Variants in SLC25A3 observed in about 807,000 individuals in gnomAD.
SLC25A3 encodes the protein solute carrier family 25 member 3, also known as phosphate transport protein.
Under a neutral mutation model 37.1 loss-of-function variants are expected in SLC25A3, and 14 were observed. The observed-to-expected ratio is 0.38, with a 90% CI of 0.25 to 0.59. The LOEUF (loss-of-function observed/expected upper bound fraction) is 0.59. Ranked by LOEUF, SLC25A3 falls within the 20% of genes least tolerant of loss-of-function variation. The pLI, the probability that SLC25A3 is intolerant of heterozygous loss-of-function variation, is 0.67. For synonymous variants in SLC25A3, 161 were observed against 168.7 expected (o/e 0.95, Z 0.36); for missense variants, 385 against 458.1 (o/e 0.84, Z 1.46).
rs1249462284 is a variant in SLC25A3 at position 98,605,630 on chromosome 12, C to G, written c.*4102C>G. 1 of 151,686 alleles carries G rather than the reference C, an allele frequency of 6.6e-6. No individual in the cohort carries two copies. The highest frequency in any genetic ancestry group is 2.4e-5 in the African/African-American group (1 of 41,264). 9.4% of individuals were successfully genotyped at this position (151,686 alleles called of 1,614,324 possible). On this transcript the variant is annotated 3_prime_UTR_variant, in exon 8 of 8. Coordinates refer to ENST00000552981, the MANE Select transcript of SLC25A3 (RefSeq NM_002635.4). ...GTCAGGAGTTCAAGAACAGCCTGGCCAACATGATGAAACCCCAGGTCTCTA... is the reference window on the plus strand; with the variant it reads ...GTCAGGAGTTCAAGAACAGCCTGGCGAACATGATGAAACCCCAGGTCTCTA...
chr12:98,594,724 G>A (rs976008110), intron 2 of SLC25A3: 19 of 276,398 alleles, frequency 6.9e-5, no homozygotes, highest in African/African-American at 1.1e-4. Context: ...GGGATTCTTG[G>A]TGGTTGGGCC....
At chr12:98,597,622 CTG>C in intron 3 of SLC25A3, 1 of 484,558 alleles carries the variant, frequency 2.1e-6, no homozygotes, top group South Asian at 2.1e-5. Flanking sequence ...TGGGGTTTCA[CTG>C]TGTTGCCCAG....
intron 1 of SLC25A3, 113 bp from the exon 2 acceptor site, chr12:98,593,862 C>A: frequency 8.1e-7 from 1 of 1,241,058 alleles, no homozygotes; most frequent in Non-Finnish European, 1.2e-6. Context: ...CCGCCGTGAC[C>A]TCTTCAAGGG....
rs1009535449 is a variant in SLC25A3, at chr12:98,606,300, C to T, written c.*4772C>T. 1.3e-5 allele frequency: 2 copies of T among 152,084 alleles called. No homozygotes were observed. The highest frequency in any genetic ancestry group is 4.8e-5 in the African/African-American group (2 of 41,406). The allele number at this position is 152,084 out of a possible 1,614,324, so 9.4% of individuals were successfully genotyped here. A position where few individuals can be genotyped will look rare whatever the true frequency, so the allele number is the denominator to read the frequency against. On this transcript the variant is annotated 3_prime_UTR_variant, in exon 8 of 8. Transcript: ENST00000552981. ...TCCTGAAATATCAAAGAATAATGTA[C>T]ATTAATAAGCCAGCTACTATCGGCA...
Position 98,598,667 on chromosome 12 carries a change from C to T in SLC25A3, c.605C>T (p.Ala202Val), listed in dbSNP as rs1384097884. ...QPGYANTLRD[A>V]APKMYKEEGL... ...GGTTATGCCAACACTTTGAGGGATGCAGCTCCCAAAATGTATAAGGAAGAA... is the reference window on the plus strand; with the variant it reads ...GGTTATGCCAACACTTTGAGGGATGTAGCTCCCAAAATGTATAAGGAAGAA... Residue 202 changes from alanine to valine, a missense_variant, in exon 5 of 8, where the codon GCA becomes GTA. By Grantham distance (64) the Ala-to-Val change is moderately conservative (BLOSUM62 0). This residue lies in a region of SLC25A3 where 276 missense variants were observed against 367.6 expected (regional missense o/e 0.75). Transcript: ENST00000552981. The T allele has an allele frequency of 6.2e-7, 1 of 1,613,884 alleles. No homozygotes were observed. The highest frequency in any genetic ancestry group is 2.2e-5 in the East Asian group (1 of 44,888).
Position 98,600,672 on chromosome 12 carries a change from A to G in SLC25A3, c.815-499A>G, listed in dbSNP as rs566138161. Among the ~76,000 whole-genome samples, 6 of 152,230 alleles carry G rather than the reference A, an allele frequency of 3.9e-5. No homozygotes were observed. The South Asian group carries it at 1.0e-3, about 26-fold the overall frequency. The stretch of plus-strand genomic sequence containing the variant: ...GGTGATCTGCCTGCCTTGGCCTCCC[A>G]AAGTGCTGGGATTACAGGCGTGAGC... On this transcript the variant is annotated intron_variant, in intron 6 of 7. Transcript: ENST00000552981.
intron 5 of SLC25A3, among the ~76,000 whole-genome samples, chr12:98,599,131 A>G (rs1164009568): frequency 6.9e-6 from 1 of 144,270 alleles, no homozygotes; most frequent in Non-Finnish European, 1.5e-5. Flanking sequence ...GCACTATCTC[A>G]GCTCACTGCA....
Position 98,593,970 on chromosome 12 carries a change from C to G in SLC25A3, c.-4-5C>G. 5 of 1,613,872 alleles carry G rather than the reference C, an allele frequency of 3.1e-6. 1 individual carries two copies. In the East Asian group the frequency reaches 6.7e-5, roughly 22 times the overall value. ...TCCTCTAACCGTCGCTCCCTCCTCC[C>G]CTAGAAAGATGTTCTCGTCCGTGGC... is the stretch of plus-strand genomic sequence containing the variant. On this transcript the variant is annotated splice_region_variant and splice_polypyrimidine_tract_variant and intron_variant, in intron 1 of 7. Coordinates refer to ENST00000552981, the MANE Select transcript of SLC25A3 (RefSeq NM_002635.4).
chr12:98,598,339 T>C, intron 4 of SLC25A3, 183 bp from the exon 5 acceptor site: 1 of 923,084 alleles, frequency 1.1e-6, no homozygotes, highest in Admixed American at 2.6e-5. Flanking sequence ...ATTTTTTGAA[T>C]ATTCATGTTG....
rs755160803 is a variant in SLC25A3, at chr12:98,593,970, C to T, written c.-4-5C>T. On this transcript the variant is annotated splice_region_variant and splice_polypyrimidine_tract_variant and intron_variant, in intron 1 of 7. Transcript: ENST00000552981. ...TCCTCTAACCGTCGCTCCCTCCTCC[C>T]CTAGAAAGATGTTCTCGTCCGTGGC... 71 of 1,613,754 alleles carry T rather than the reference C, an allele frequency of 4.4e-5. No individual in the cohort carries two copies. The highest frequency in any genetic ancestry group is 5.8e-5 in the Non-Finnish European group (68 of 1,179,894).
intron 3 of SLC25A3, among the ~76,000 whole-genome samples, chr12:98,596,660 A>G (rs1335985884): frequency 1.3e-5 from 2 of 152,146 alleles, no homozygotes; most frequent in African/African-American, 4.8e-5. Flanking sequence ...TAAGCTACTT[A>G]AAGAACTAGC....
rs2097599920 is a variant in SLC25A3 at position 98,604,187 on chromosome 12, GGT to G, written c.*2660_*2661del. ...GAATCGCTTGAACCCGGGAGGCGGA[GGT>G]TGTGGTGAGCCAAGATTGCGCCATT... On this transcript the variant is annotated 3_prime_UTR_variant, in exon 8 of 8. Transcript: ENST00000552981. The G allele has an allele frequency of 6.6e-6, 1 of 150,888 alleles. No homozygotes were observed. The highest frequency in any genetic ancestry group is 1.5e-5 in the Non-Finnish European group (1 of 67,926). 9.3% of individuals were successfully genotyped at this position (150,888 alleles called of 1,614,324 possible). A position where few individuals can be genotyped will look rare whatever the true frequency, so the allele number is the denominator to read the frequency against.
Position 98,605,531 on chromosome 12 carries a change from T to C in SLC25A3, c.*4003T>C, listed in dbSNP as rs1251678956. 5.3e-5 allele frequency: 8 copies of C among 152,126 alleles called. No individual in the cohort carries two copies. The highest frequency in any genetic ancestry group is 1.9e-4 in the East Asian group (1 of 5,188). The allele number at this position is 152,126 out of a possible 1,614,324, so 9.4% of individuals were successfully genotyped here. A position where few individuals can be genotyped will look rare whatever the true frequency, so the allele number is the denominator to read the frequency against. On this transcript the variant is annotated 3_prime_UTR_variant, in exon 8 of 8. Transcript: ENST00000552981. ...TGCTTCTATAGCATCAGAAATTGTA[T>C]ATCAGGCCAGGTGCAAAAGCTCACT...
At chr12:98,601,303 G>A (rs200837130) in intron 7 of SLC25A3, 22 bp downstream of exon 7, 2 of 1,613,988 alleles carry the variant, frequency 1.2e-6, no homozygotes, top group African/African-American at 2.7e-5. Flanking sequence ...TTTTTTTCTT[G>A]AAAGAAAGAA....
Position 98,604,315 on chromosome 12 carries a change from C to T in SLC25A3, c.*2787C>T, listed in dbSNP as rs2097600078. 6.7e-6 allele frequency: 1 copy of T among 148,366 alleles called. No individual in the cohort carries two copies. The highest frequency in any genetic ancestry group is 2.1e-4 in the South Asian group (1 of 4,726). The allele number at this position is 148,366 out of a possible 1,614,324, so 9.2% of individuals were successfully genotyped here. A position where few individuals can be genotyped will look rare whatever the true frequency, so the allele number is the denominator to read the frequency against. On this transcript the variant is annotated 3_prime_UTR_variant, in exon 8 of 8. Coordinates refer to ENST00000552981, the MANE Select transcript of SLC25A3 (RefSeq NM_002635.4). ...AGCTGATAGTTGAATTATGTTGATTCAGGGACAAGATAGCATTGCATAGTA... is the reference window on the plus strand; with the variant it reads ...AGCTGATAGTTGAATTATGTTGATTTAGGGACAAGATAGCATTGCATAGTA...
intron 7 of SLC25A3, 24 bp from the exon 8 acceptor site, chr12:98,601,344 A>C: frequency 1.2e-6 from 2 of 1,613,956 alleles, no homozygotes; most frequent in Non-Finnish European, 1.7e-6. Context: ...CATTTTTTTC[A>C]TTTGCTTTTC....
In SLC25A3 at chr12:98,598,401, C is replaced by T. The variant is rs148479313; in HGVS notation, c.460-121C>T. 480 of 1,466,686 alleles carry T rather than the reference C, an allele frequency of 3.3e-4. 6 individuals carry two copies. The East Asian group carries it at 0.011, about 34-fold the overall frequency. The allele number at this position is 1,466,686 out of a possible 1,614,324, so 90.9% of individuals were successfully genotyped here. On this transcript the variant is annotated intron_variant, in intron 4 of 7. Transcript: ENST00000552981. ...GAGGTTATGAGACCACATATATATT[C>T]CATATCATCGTGTGTTACTTTATAA...
intron 5 of SLC25A3, among the ~76,000 whole-genome samples, chr12:98,599,413 T>G (rs768942089): frequency 8.5e-5 from 13 of 152,214 alleles, no homozygotes; most frequent in Non-Finnish European, 8.8e-5. Flanking sequence ...TTATAACATT[T>G]AATGTCTATT....
chr12:98,598,358 G>GT (rs2097594779), intron 4 of SLC25A3, 164 bp from the exon 5 acceptor site: 1 of 1,046,764 alleles, frequency 9.6e-7, no homozygotes, highest in Admixed American at 2.3e-5. Context: ...TGTTCACATA[G>GT]TTACGTGTTT....
Sources: gnomAD v4.1 joint callset for allele counts (sites outside exome capture counted in the v4.1 genomes callset) on GRCh38, gnomAD v4.1.1 for gene constraint, gnomAD v4.1.1 regional missense constraint, MANE v1.5 for transcripts, NCBI Gene and HGNC (gene_info 2026-07-23, HGNC 2026-07-21) for gene names.